The following EPRS1 variants were observed in gnomAD, a reference collection of about 807,000 sequenced individuals.
The protein encoded by EPRS1 is bifunctional glutamate/proline--tRNA ligase.
In EPRS1, 107 loss-of-function variants were observed where a neutral mutation model predicts 188.3. That is an observed-to-expected ratio of 0.57 (90% CI 0.49 to 0.67). The LOEUF (loss-of-function observed/expected upper bound fraction) is 0.67. EPRS1 is among the 30% of genes least tolerant of loss of function. The probability of loss-of-function intolerance (pLI) is 0.00; values close to 1 mark genes in which losing one functional copy is unlikely to be tolerated. For synonymous variants in EPRS1, 596 were observed against 593.1 expected, an observed-to-expected ratio of 1.00 and a Z score of -0.07; for missense variants, 1,577 against 1,802.2, an observed-to-expected ratio of 0.88 and a Z score of 2.26.
At position 220,009,574 on chromosome 1, in the gene EPRS1, G is replaced by A. The variant is rs1358788466; in HGVS notation, c.1605+1372C>T. Among the ~76,000 whole-genome samples the A allele has an allele frequency of 2.0e-5, 3 of 151,882 alleles. No homozygotes were observed. In the East Asian group the frequency reaches 5.8e-4, roughly 29 times the overall value. On this transcript the variant is annotated intron_variant, in intron 13 of 31. Coordinates refer to ENST00000366923, the MANE Select transcript of EPRS1 (RefSeq NM_004446.3). The stretch of plus-strand genomic sequence containing the variant: ...TGGTGGCATGAACCTGTAGTCCCAG[G>A]TATTCAGGATGCTGAGGTGGAAGGA...
At chr1:219,971,310 T>C (rs992963680) in intron 30 of EPRS1, among the ~76,000 whole-genome samples, 2 of 152,162 alleles carry the variant, frequency 1.3e-5, no homozygotes, top group African/African-American at 2.4e-5. Flanking sequence ...AACTTTAAAG[T>C]TTCAGCTCGA....
chr1:220,007,505 C>T (rs1661514464), intron 13 of EPRS1, 167 bp from the exon 14 acceptor site: 2 of 570,172 alleles, frequency 3.5e-6, no homozygotes, highest in Non-Finnish European at 6.0e-6. Flanking sequence ...ACTCTTTCTC[C>T]ATCTATGTAT....
chr1:220,024,313 C>T lies in EPRS1; in HGVS notation c.894G>A (p.Gln298=). The change falls in exon 8 of 32, where the codon CAG becomes CAA. Residue 298 remains glutamine (Q), a synonymous_variant. Coordinates refer to ENST00000366923, the MANE Select transcript of EPRS1 (RefSeq NM_004446.3). ...TCCTCTGCTCACGTTCTGCTTTCATCTGTTCAGCAGGAGTATCATCCACAT... is the reference window on the plus strand; with the variant it reads ...TCCTCTGCTCACGTTCTGCTTTCATTTGTTCAGCAGGAGTATCATCCACAT... The part of the protein sequence containing the change: ...KAYVDDTPAE[Q]MKAEREQRID... The T allele has an allele frequency of 6.2e-7, 1 of 1,611,674 alleles. No individual in the cohort carries two copies. The highest frequency in any genetic ancestry group is 1.1e-5 in the South Asian group (1 of 90,486).
intron 16 of EPRS1, among the ~76,000 whole-genome samples, chr1:220,001,514 T>A (rs1661351331): frequency 6.6e-6 from 1 of 152,126 alleles, no homozygotes; most frequent in South Asian, 2.1e-4. Flanking sequence ...ACCAGCCACA[T>A]GCCACCACAC....
At chr1:220,037,210 A>G (rs1662198737) in intron 2 of EPRS1, among the ~76,000 whole-genome samples, 1 of 152,106 alleles carries the variant, frequency 6.6e-6, no homozygotes, top group African/African-American at 2.4e-5. Context: ...ATCTCTAAAA[A>G]TAAAAATAAA....
chr1:220,011,819 T>C (rs1030884268), intron 12 of EPRS1, among the ~76,000 whole-genome samples: 2 of 152,218 alleles, frequency 1.3e-5, no homozygotes, highest in African/African-American at 4.8e-5. Flanking sequence ...GTAAAATTAG[T>C]CATGATGACC....
intron 28 of EPRS1, among the ~76,000 whole-genome samples, chr1:219,974,482 C>A (rs12126940): frequency 0.46 from 70,008 of 151,952 alleles, 16,223 homozygotes; most frequent in South Asian, 0.52. Context: ...TTATCTGATA[C>A]ATAGTAGATT....
intron 16 of EPRS1, among the ~76,000 whole-genome samples, chr1:220,001,895 G>A (rs1489574761): frequency 2.6e-5 from 4 of 151,910 alleles, no homozygotes; most frequent in East Asian, 3.9e-4. Context: ...CAGGCGTGGC[G>A]GCGGGTGCCT....
At chr1:220,042,025 C>T (rs536613942) in intron 1 of EPRS1, among the ~76,000 whole-genome samples, 129 of 151,748 alleles carry the variant, frequency 8.5e-4, no homozygotes, top group Non-Finnish European at 1.4e-3. Context: ...ACTAAAAATA[C>T]TAAAAATTAG....
chr1:219,978,495 TA>T, intron 28 of EPRS1, 50 bp downstream of exon 28: 1 of 1,393,824 alleles, frequency 7.2e-7, no homozygotes, highest in Non-Finnish European at 9.8e-7. Context: ...GAGGAAAATC[TA>T]AACTCAAATT....
chr1:220,019,187 G>C, intron 10 of EPRS1, 108 bp from the exon 11 acceptor site: 1 of 757,254 alleles, frequency 1.3e-6, no homozygotes. Flanking sequence ...TTAAACATTT[G>C]TCTAAGAGCT....
At position 219,978,592 on chromosome 1, in the gene EPRS1, C is replaced by T. The variant is rs1168943940; in HGVS notation, c.4037G>A (p.Arg1346Gln). ...SVNIRVRADL[R>Q]DNYSPGWKFN... is the part of the protein sequence containing the mutation. The stretch of plus-strand genomic sequence containing the variant: ...TTTCCAACCTGGAGAATAATTATCT[C>T]GTAAATCAGCTCTAACGCGGATGTT... The change falls in exon 28 of 32, where the codon CGA becomes CAA. Residue 1346 changes from arginine (R) to glutamine (Q), a missense_variant. Physicochemically the swap from Arg to Gln is conservative, Grantham distance 43. This residue lies in a region of EPRS1 where 296 missense variants were observed against 327.9 expected (regional missense o/e 0.90). Transcript: ENST00000366923. 5.6e-6 allele frequency: 9 copies of T among 1,595,232 alleles called. No individual in the cohort carries two copies. The highest frequency in any genetic ancestry group is 7.7e-6 in the Non-Finnish European group (9 of 1,169,482).
intron 6 of EPRS1, among the ~76,000 whole-genome samples, chr1:220,025,658 T>C (rs1010493476): frequency 2.6e-5 from 4 of 152,204 alleles, no homozygotes; most frequent in African/African-American, 9.6e-5. Flanking sequence ...TACTGAGAAC[T>C]GGGTGCCCAC....
chr1:219,988,910 C>G (rs956815505), intron 18 of EPRS1, 87 bp from the exon 19 acceptor site: 13 of 748,694 alleles, frequency 1.7e-5, no homozygotes, highest in Admixed American at 5.6e-5. Context: ...TAATTATCAG[C>G]AAATCATTCC....
intron 15 of EPRS1, among the ~76,000 whole-genome samples, chr1:220,005,804 C>T (rs1444128977): frequency 6.9e-6 from 1 of 145,296 alleles, no homozygotes; most frequent in African/African-American, 2.6e-5. Flanking sequence ...AAAATGGAAA[C>T]ATTACTTACA....
chr1:219,993,214 G>A (rs1164752161), intron 18 of EPRS1, among the ~76,000 whole-genome samples: 1 of 151,718 alleles, frequency 6.6e-6, no homozygotes, highest in South Asian at 2.1e-4. Flanking sequence ...GGGCAACAGA[G>A]CAAGACCCTG....
intron 6 of EPRS1, among the ~76,000 whole-genome samples, chr1:220,028,857 C>T (rs1571694072): frequency 6.6e-6 from 1 of 152,006 alleles, no homozygotes; most frequent in East Asian, 1.9e-4. Flanking sequence ...TAAAGAAAAA[C>T]TCTTTAACAG....
chr1:220,042,644 G>A (rs188783894), intron 1 of EPRS1, among the ~76,000 whole-genome samples: 16 of 151,662 alleles, frequency 1.1e-4, no homozygotes, highest in Admixed American at 8.5e-4. Context: ...ACTACTGGCC[G>A]GGCGTGGTGG....
chr1:219,996,310 C>A (rs1033198365), intron 18 of EPRS1, among the ~76,000 whole-genome samples: 4 of 152,166 alleles, frequency 2.6e-5, no homozygotes, highest in African/African-American at 9.7e-5. Context: ...AATCACAGGT[C>A]AAAAACCTCT....
Sources: gnomAD v4.1 joint callset for allele counts (sites outside exome capture counted in the v4.1 genomes callset) on GRCh38, gnomAD v4.1.1 for gene constraint, gnomAD v4.1.1 regional missense constraint, MANE v1.5 for transcripts, NCBI Gene and HGNC (gene_info 2026-07-23, HGNC 2026-07-21) for gene names.